MOGAT1: variants seen among roughly 807,000 people sequenced by gnomAD.
The protein encoded by MOGAT1 is monoacylglycerol O-acyltransferase 1, also known as 2-acylglycerol O-acyltransferase 1.
Under a neutral mutation model 31.4 loss-of-function variants are expected in MOGAT1, and 32 were observed. The observed-to-expected ratio is 1.02, with a 90% confidence interval of 0.77 to 1.37. The LOEUF is 1.37. Among genes scored for constraint, MOGAT1 ranks in the 40% most tolerant of loss-of-function variants. The pLI is 0.00. For missense variants in MOGAT1, 426 were observed against 402.0 expected, an observed-to-expected ratio of 1.06 and a Z score of -0.51; for synonymous variants, 145 against 144.5, an observed-to-expected ratio of 1.00 and a Z score of -0.03.
chr2:222,695,359 A>G, intron 5 of MOGAT1, 71 bp downstream of exon 5: 1 of 1,021,736 alleles, frequency 9.8e-7, no homozygotes, highest in Non-Finnish European at 1.4e-6. Flanking sequence ...TTGAGGTGCT[A>G]ATGCAAGGGA....
intron 5 of MOGAT1, among the ~76,000 whole-genome samples, chr2:222,702,613 G>A (rs1056960066): frequency 1.3e-5 from 2 of 151,844 alleles, no homozygotes; most frequent in Non-Finnish European, 2.9e-5. Flanking sequence ...CTGAAGGTTT[G>A]ACTTTTTTTT....
chr2:222,678,024 C>G (rs181280720), intron 1 of MOGAT1: 1 of 249,188 alleles, frequency 4.0e-6, no homozygotes, highest in African/African-American at 2.3e-5. Flanking sequence ...AACAGGAAGC[C>G]CTCACCAGTT....
Position 222,709,733 on chromosome 2 carries a change from C to T in MOGAT1, c.854-3C>T. Reference sequence around the variant, plus strand: ...CACGTATGATGTATTCCCTGATTTGCAGTTGGCCGCCCGATCCCTGTTCGT... The same window carrying T: ...CACGTATGATGTATTCCCTGATTTGTAGTTGGCCGCCCGATCCCTGTTCGT... On this transcript the variant is annotated splice_polypyrimidine_tract_variant and splice_region_variant and intron_variant, in intron 5 of 5. Transcript: ENST00000446656. 1 of 1,611,502 alleles carries T rather than the reference C, an allele frequency of 6.2e-7. No individual in the cohort carries two copies. Among genetic ancestry groups the T allele is most frequent in the Non-Finnish European group, 8.5e-7 (1 of 1,178,964 alleles).
At chr2:222,689,703 C>A (rs1692729962) in intron 3 of MOGAT1, among the ~76,000 whole-genome samples, 1 of 152,100 alleles carries the variant, frequency 6.6e-6, no homozygotes, top group African/African-American at 2.4e-5. Flanking sequence ...CAGCATGGTG[C>A]CTGGAACATA....
intron 5 of MOGAT1, among the ~76,000 whole-genome samples, chr2:222,701,662 A>G (rs1215139320): frequency 3.0e-5 from 4 of 131,228 alleles, no homozygotes; most frequent in African/African-American, 1.1e-4. Context: ...AGAAAGAGAG[A>G]GAGATAAAGA....
intron 5 of MOGAT1, among the ~76,000 whole-genome samples, chr2:222,697,943 C>A (rs1234731940): frequency 6.6e-6 from 1 of 151,948 alleles, no homozygotes; most frequent in Non-Finnish European, 1.5e-5. Context: ...CAGAGGGTGG[C>A]ACATTTCACA....
intron 1 of MOGAT1, among the ~76,000 whole-genome samples, chr2:222,681,486 C>T (rs1257350338): frequency 2.0e-5 from 3 of 152,032 alleles, no homozygotes; most frequent in Non-Finnish European, 4.4e-5. Flanking sequence ...AGTTTCTGTC[C>T]CCATGGTGTT....
intron 1 of MOGAT1, among the ~76,000 whole-genome samples, chr2:222,678,867 G>A (rs1438425856): frequency 6.6e-6 from 1 of 152,208 alleles, no homozygotes; most frequent in Non-Finnish European, 1.5e-5. Context: ...CTTGAACCCG[G>A]GAGGTGGAGG....
chr2:222,684,827 G>A (rs1040656765), intron 1 of MOGAT1, among the ~76,000 whole-genome samples: 1 of 151,950 alleles, frequency 6.6e-6, no homozygotes, highest in South Asian at 2.1e-4. Context: ...CACCTGCCTC[G>A]GCCTCCCAAA....
intron 1 of MOGAT1, among the ~76,000 whole-genome samples, chr2:222,684,486 G>A (rs533077333): frequency 6.6e-6 from 1 of 152,246 alleles, no homozygotes; most frequent in East Asian, 1.9e-4. Context: ...GCAGTATCTA[G>A]AGTGGGAATT....
chr2:222,699,302 A>G (rs1173711434), intron 5 of MOGAT1: 2 of 151,170 alleles, frequency 1.3e-5, no homozygotes, highest in Non-Finnish European at 2.9e-5. Flanking sequence ...GCTCCCGGCC[A>G]ACTTTTGCTA....
intron 3 of MOGAT1, among the ~76,000 whole-genome samples, chr2:222,692,496 C>A (rs557429633): frequency 6.6e-6 from 1 of 152,278 alleles, no homozygotes; most frequent in South Asian, 2.1e-4. Context: ...TGGTCCCATT[C>A]ACCTTGATAA....
At position 222,709,891 on chromosome 2, in the gene MOGAT1, C is replaced by A; in HGVS notation, c.*1C>A. On this transcript the variant is annotated 3_prime_UTR_variant, in exon 6 of 6. Coordinates refer to ENST00000446656, the MANE Select transcript of MOGAT1 (RefSeq NM_058165.3). Reference sequence around the variant, plus strand: ...GCACGAGACTCTTGTTTTAAAATGACTTGACTATAAAAAAAAATTAAAAAA... The same window carrying A: ...GCACGAGACTCTTGTTTTAAAATGAATTGACTATAAAAAAAAATTAAAAAA... 6.3e-7 allele frequency: 1 copy of A among 1,580,458 alleles called. No individual in the cohort carries two copies. Among genetic ancestry groups the A allele is most frequent in the Non-Finnish European group, 8.6e-7 (1 of 1,166,794 alleles).
chr2:222,697,144 T>C (rs1257045531), intron 5 of MOGAT1, among the ~76,000 whole-genome samples: 1 of 152,210 alleles, frequency 6.6e-6, no homozygotes, highest in Non-Finnish European at 1.5e-5. Context: ...AGCCAGGCAC[T>C]AATAGCAGAA....
At chr2:222,691,589 T>C (rs1174875465) in intron 3 of MOGAT1, among the ~76,000 whole-genome samples, 1 of 152,232 alleles carries the variant, frequency 6.6e-6, no homozygotes, top group Non-Finnish European at 1.5e-5. Flanking sequence ...ATACTCAAAC[T>C]TTCAGCCAGT....
chr2:222,707,303 G>T (rs1313426049), intron 5 of MOGAT1, among the ~76,000 whole-genome samples: 1 of 147,220 alleles, frequency 6.8e-6, no homozygotes, highest in Non-Finnish European at 1.5e-5. Context: ...AGGAAGGAAA[G>T]GAGGGAGGAA....
At chr2:222,694,644 C>G in intron 4 of MOGAT1, 108 bp downstream of exon 4, 1 of 1,064,958 alleles carries the variant, frequency 9.4e-7, no homozygotes. Context: ...TCCTCCAAAT[C>G]GATCTGACAG....
rs565409327 is a variant in MOGAT1 at position 222,688,313 on chromosome 2, T to G, written c.95-31T>G. 4 of 1,570,098 alleles carry G rather than the reference T, an allele frequency of 2.5e-6. No homozygotes were observed. In the East Asian group the frequency reaches 6.8e-5, roughly 27 times the overall value. ...CTGCAGTGAGCAGATACTAACAGACTGATTCCATGAGACTTTTTCTTTTCT... is the reference window on the plus strand; with the variant it reads ...CTGCAGTGAGCAGATACTAACAGACGGATTCCATGAGACTTTTTCTTTTCT... On this transcript the variant is annotated intron_variant, in intron 1 of 5. Transcript: ENST00000446656.
chr2:222,675,351 G>A (rs1378989411), intron 1 of MOGAT1, among the ~76,000 whole-genome samples: 1 of 152,166 alleles, frequency 6.6e-6, no homozygotes, highest in Non-Finnish European at 1.5e-5. Context: ...CAATTGGTCA[G>A]TGGGTCTAGG....
Sources: gnomAD v4.1 joint callset for allele counts (sites outside exome capture counted in the v4.1 genomes callset) on GRCh38, gnomAD v4.1.1 for gene constraint, MANE v1.5 for transcripts, NCBI Gene and HGNC (gene_info 2026-07-23, HGNC 2026-07-21) for gene names.